FBXO15: variants seen among roughly 807,000 people sequenced by gnomAD.
FBXO15 encodes the protein F-box only protein 15.
In FBXO15, 30 loss-of-function variants were observed where a neutral mutation model predicts 49.5. That is an observed-to-expected ratio of 0.61 (90% CI 0.45 to 0.82). The LOEUF (loss-of-function observed/expected upper bound fraction) is 0.82, where lower values mean the gene tolerates loss of function less well. FBXO15 is among the 40% of genes least tolerant of loss of function. FBXO15 has a pLI of 0.00. For missense variants in FBXO15, 591 were observed against 631.5 expected (o/e 0.94, Z 0.69); for synonymous variants, 250 against 232.7 (o/e 1.07, Z -0.68).
intron 3 of FBXO15, among the ~76,000 whole-genome samples, chr18:74,132,330 A>G (rs1268954297): frequency 6.6e-6 from 1 of 152,160 alleles, no homozygotes; most frequent in African/African-American, 2.4e-5. Flanking sequence ...CTTTAGCAGG[A>G]CCTTTATGGA....
chr18:74,076,004 T>C (rs1336384016), intron 9 of FBXO15, among the ~76,000 whole-genome samples: 1 of 152,192 alleles, frequency 6.6e-6, no homozygotes, highest in African/African-American at 2.4e-5. Context: ...CAACGGTCCC[T>C]CAAGTCCAGC....
intron 6 of FBXO15, 47 bp downstream of exon 6, chr18:74,125,928 A>T (rs780367687): frequency 2.4e-5 from 38 of 1,604,918 alleles, no homozygotes; most frequent in African/African-American, 1.2e-4. Flanking sequence ...TAAATGTGGT[A>T]TTGTGATGGG....
chr18:74,085,765 G>C (rs1912710280), intron 8 of FBXO15, among the ~76,000 whole-genome samples: 1 of 152,196 alleles, frequency 6.6e-6, no homozygotes, highest in Non-Finnish European at 1.5e-5. Flanking sequence ...CACTGGGAAA[G>C]AACATCAACT....
intron 8 of FBXO15, among the ~76,000 whole-genome samples, chr18:74,122,206 A>C (rs1914505644): frequency 6.6e-6 from 1 of 152,218 alleles, no homozygotes; most frequent in Non-Finnish European, 1.5e-5. Flanking sequence ...AAATTACTGC[A>C]TTAAAGCCAG....
chr18:74,128,170 G>T (rs1978297131), intron 5 of FBXO15, among the ~76,000 whole-genome samples: 1 of 152,010 alleles, frequency 6.6e-6, no homozygotes, highest in African/African-American at 2.4e-5. Flanking sequence ...ATAACATTAA[G>T]AATATTTTTA....
rs77784917 is a variant in FBXO15 at position 74,096,822 on chromosome 18, G to A, written c.1139-14771C>T. 5.2e-3 allele frequency among the ~76,000 whole-genome samples: 789 copies of A among 152,260 alleles called. 1 individual carries two copies. Among genetic ancestry groups the A allele is most frequent in the Non-Finnish European group, 8.2e-3 (558 of 68,024 alleles). On this transcript the variant is annotated intron_variant, in intron 8 of 9. Transcript: ENST00000419743. ...GAAAATAAACATGTTGATAAACAAG[G>A]AAAGATGAGAAAAGACACAGACCCT...
intron 6 of FBXO15, among the ~76,000 whole-genome samples, chr18:74,125,471 C>T (rs545872936): frequency 2.6e-5 from 4 of 152,174 alleles, no homozygotes; most frequent in Admixed American, 2.0e-4. Flanking sequence ...CCTGGTGAAA[C>T]GAGAAATCTT....
intron 6 of FBXO15, 117 bp from the exon 7 acceptor site, chr18:74,124,688 A>C (rs377503660): frequency 1.2e-6 from 1 of 815,050 alleles, no homozygotes; most frequent in East Asian, 2.5e-5. Context: ...TCTTACAAAC[A>C]TAAGATCACC....
chr18:74,132,671 C>A (rs1978467942), intron 3 of FBXO15, among the ~76,000 whole-genome samples: 1 of 152,206 alleles, frequency 6.6e-6, no homozygotes, highest in Admixed American at 6.5e-5. Flanking sequence ...TCCCCAAATG[C>A]TCCATCCTGT....
At chr18:74,079,618 TA>T (rs1190169738) in intron 9 of FBXO15, among the ~76,000 whole-genome samples, 1 of 152,184 alleles carries the variant, frequency 6.6e-6, no homozygotes, top group African/African-American at 2.4e-5. Context: ...AAAAAAAGAA[TA>T]AAAAACTGAC....
In FBXO15 at chr18:74,135,896, C is replaced by T. The variant is rs747881234; in HGVS notation, c.228-30G>A. ...AAAAACAGAAAAAGAAAAAAAAAAT[C>T]ACCAGAGTGGACCAGGGCTTAATCT... On this transcript the variant is annotated intron_variant, in intron 2 of 9. Transcript: ENST00000419743. 2.7e-6 allele frequency: 4 copies of T among 1,458,802 alleles called. No individual in the cohort carries two copies. In the African/African-American group the frequency reaches 4.4e-5, roughly 16 times the overall value. 90.4% of individuals were successfully genotyped at this position (1,458,802 alleles called of 1,614,324 possible).
At chr18:74,114,281 T>C (rs551737132) in intron 8 of FBXO15, among the ~76,000 whole-genome samples, 1 of 152,312 alleles carries the variant, frequency 6.6e-6, no homozygotes, top group East Asian at 1.9e-4. Flanking sequence ...TCACAACTCA[T>C]TCTTGGAGGA....
chr18:74,096,107 C>T (rs1913261356), intron 8 of FBXO15, among the ~76,000 whole-genome samples: 1 of 152,152 alleles, frequency 6.6e-6, no homozygotes, highest in Admixed American at 6.5e-5. Context: ...CCAGCTTCCC[C>T]ACCATCTTGG....
chr18:74,141,172 G>T (rs865970412), intron 1 of FBXO15, among the ~76,000 whole-genome samples: 5 of 152,134 alleles, frequency 3.3e-5, no homozygotes, highest in Middle Eastern at 3.2e-3. Context: ...TTTTTCAGAG[G>T]TTCCTAAAGT....
rs778904552 is a variant in FBXO15, at chr18:74,123,356, A to G, written c.1138+12T>C. ...TAATTTCATAATGAAATAAAAACTCAATCAATTTCACCTCTCTTGGTGAAG... is the reference window on the plus strand; with the variant it reads ...TAATTTCATAATGAAATAAAAACTCGATCAATTTCACCTCTCTTGGTGAAG... On this transcript the variant is annotated intron_variant, in intron 8 of 9. Transcript: ENST00000419743. 2 of 1,592,832 alleles carry G rather than the reference A, an allele frequency of 1.3e-6. No individual in the cohort carries two copies. Among genetic ancestry groups the G allele is most frequent in the Non-Finnish European group, 1.7e-6 (2 of 1,174,330 alleles).
rs1272741382 is a variant in FBXO15 at position 74,147,792 on chromosome 18, AAGG to A, written c.-10_-8del. ...GACCGCGTCCAGTCGCCATAGAGAC[AAGG>A]AGTTCACCACAGGACCGCGCCAGGG... On this transcript the variant is annotated 5_prime_UTR_variant, in exon 1 of 10. Coordinates refer to ENST00000419743, the MANE Select transcript of FBXO15 (RefSeq NM_001142958.2). 12 of 1,528,212 alleles carry A rather than the reference AAGG, an allele frequency of 7.9e-6. No individual in the cohort carries two copies. The highest frequency in any genetic ancestry group is 2.1e-5 in the Admixed American group (1 of 48,606). The allele number at this position is 1,528,212 out of a possible 1,614,324, so 94.7% of individuals were successfully genotyped here.
At chr18:74,099,503 C>A (rs936241573) in intron 8 of FBXO15, 2 of 151,826 alleles carry the variant, frequency 1.3e-5, no homozygotes, top group African/African-American at 4.8e-5. Flanking sequence ...ACCTATAAAA[C>A]AAAAATACAA....
intron 8 of FBXO15, among the ~76,000 whole-genome samples, chr18:74,110,342 G>A (rs1410308026): frequency 6.6e-6 from 1 of 151,524 alleles, no homozygotes; most frequent in Non-Finnish European, 1.5e-5. Flanking sequence ...AAGTGAAACT[G>A]GATTTGTGGT....
intron 8 of FBXO15, among the ~76,000 whole-genome samples, chr18:74,091,309 C>T (rs1599141783): frequency 1.3e-5 from 2 of 152,042 alleles, no homozygotes; most frequent in East Asian, 3.9e-4. Context: ...ATGGGTGTCC[C>T]GAAGACAGCA....
Sources: gnomAD v4.1 joint callset for allele counts (sites outside exome capture counted in the v4.1 genomes callset) on GRCh38, gnomAD v4.1.1 for gene constraint, MANE v1.5 for transcripts, NCBI Gene and HGNC (gene_info 2026-07-23, HGNC 2026-07-21) for gene names.